Variants in LGSN observed in about 807,000 individuals in gnomAD.
LGSN encodes lengsin.
Under a neutral mutation model 19.5 loss-of-function variants are expected in LGSN, and 21 were observed. That is an observed-to-expected ratio of 1.07 (90% CI 0.76 to 1.55). The LOEUF (loss-of-function observed/expected upper bound fraction) is 1.55, where lower values mean the gene tolerates loss of function less well. Among genes scored for constraint, LGSN ranks in the 40% most tolerant of loss-of-function variants. The pLI is 0.00. For missense variants in LGSN, 673 were observed against 608.5 expected (o/e 1.11, Z -1.12); for synonymous variants, 257 against 215.6 (o/e 1.19, Z -1.68).
At chr6:63,524,881 T>C in the LGSN span, among the ~76,000 whole-genome samples, 41 of 152,350 alleles carry the variant, frequency 2.7e-4, no homozygotes, top group African/African-American at 9.9e-4. Flanking sequence ...ATGGACAAAT[T>C]TTTAAATTGC....
At chr6:63,399,911 G>A in the LGSN span, among the ~76,000 whole-genome samples, 3 of 151,998 alleles carry the variant, frequency 2.0e-5, no homozygotes, top group Non-Finnish European at 4.4e-5. Flanking sequence ...ATGTTGCCCA[G>A]ACTGATTGGT....
At chr6:63,421,046 T>TA in the LGSN span, among the ~76,000 whole-genome samples, 72,191 of 151,664 alleles carry the variant, frequency 0.48, 18,423 homozygotes, top group Non-Finnish European at 0.54. Context: ...GTGAGTCAGG[T>TA]AAAAAAAATG....
At chr6:63,458,998 C>T in the LGSN span, among the ~76,000 whole-genome samples, 86 of 152,216 alleles carry the variant, frequency 5.6e-4, no homozygotes, top group East Asian at 0.014. Flanking sequence ...AATACCATGT[C>T]GAGAATTATT....
chr6:63,327,299 C>A, the LGSN span, among the ~76,000 whole-genome samples: 1 of 152,166 alleles, frequency 6.6e-6, no homozygotes, highest in East Asian at 1.9e-4. Flanking sequence ...AAAATACAGG[C>A]CCCAAAGGTA....
the LGSN span, among the ~76,000 whole-genome samples, chr6:63,526,466 A>T: frequency 1.3e-5 from 2 of 151,798 alleles, no homozygotes; most frequent in Admixed American, 1.3e-4. Flanking sequence ...TTCAACAGAG[A>T]GGAAGACCAC....
At chr6:63,526,803 G>GTGTATATATA in the LGSN span, among the ~76,000 whole-genome samples, 1 of 101,448 alleles carries the variant, frequency 9.9e-6, no homozygotes, top group African/African-American at 4.4e-5. Flanking sequence ...TCTCAAAAAT[G>GTGTATATATA]TATATATATA....
At chr6:63,326,807 G>A in the LGSN span, among the ~76,000 whole-genome samples, 19 of 152,072 alleles carry the variant, frequency 1.2e-4, no homozygotes, top group South Asian at 2.1e-4. Flanking sequence ...AGTGCCGTGC[G>A]CAGCCCCAGT....
At chr6:63,366,619 C>T in the LGSN span, among the ~76,000 whole-genome samples, 5 of 152,088 alleles carry the variant, frequency 3.3e-5, no homozygotes, top group African/African-American at 1.2e-4. Context: ...CAAAAAAGAG[C>T]CCGCATTGCC....
At chr6:63,399,226 A>G in the LGSN span, among the ~76,000 whole-genome samples, 1 of 152,132 alleles carries the variant, frequency 6.6e-6, no homozygotes, top group Non-Finnish European at 1.5e-5. Flanking sequence ...TGTGCTATAC[A>G]GGTTTGTAGC....
chr6:63,356,151 A>C, the LGSN span, among the ~76,000 whole-genome samples: 19,847 of 152,196 alleles, frequency 0.13, 2,862 homozygotes, highest in African/African-American at 0.36. Context: ...ACTGTATTTA[A>C]AAATAAGATC....
At chr6:63,537,872 T>C in the LGSN span, among the ~76,000 whole-genome samples, 1 of 152,020 alleles carries the variant, frequency 6.6e-6, no homozygotes, top group Non-Finnish European at 1.5e-5. Context: ...ACGGCCGTAG[T>C]GAGAGAGAAG....
the LGSN span, among the ~76,000 whole-genome samples, chr6:63,463,853 G>A: frequency 6.6e-6 from 1 of 152,128 alleles, no homozygotes; most frequent in Non-Finnish European, 1.5e-5. Context: ...GAACAAACCT[G>A]ATGTATCAAT....
chr6:63,392,072 G>C, the LGSN span: 21 of 152,280 alleles, frequency 1.4e-4, no homozygotes, highest in African/African-American at 5.1e-4. Context: ...GGTCAACAAT[G>C]GACCACATAT....
chr6:63,381,781 A>T, the LGSN span, among the ~76,000 whole-genome samples: 1 of 152,236 alleles, frequency 6.6e-6, no homozygotes, highest in African/African-American at 2.4e-5. Context: ...AGCTCCAGAC[A>T]CAGCAAGCAA....
chr6:63,342,789 T>C, the LGSN span, among the ~76,000 whole-genome samples: 1 of 152,244 alleles, frequency 6.6e-6, no homozygotes, highest in Non-Finnish European at 1.5e-5. Context: ...AACTCAGATA[T>C]AACACAAGGC....
At chr6:63,434,963 C>T in the LGSN span, among the ~76,000 whole-genome samples, 1 of 152,154 alleles carries the variant, frequency 6.6e-6, no homozygotes, top group Non-Finnish European at 1.5e-5. Flanking sequence ...AAACTTTTCT[C>T]CTTAAAAAAG....
chr6:63,488,342 A>C, the LGSN span, among the ~76,000 whole-genome samples: 35 of 152,332 alleles, frequency 2.3e-4, no homozygotes, highest in African/African-American at 8.4e-4. Context: ...AGAAAAGAGA[A>C]GGTCAGGCTG....
the LGSN span, among the ~76,000 whole-genome samples, chr6:63,570,841 T>C: frequency 2.4e-3 from 360 of 152,338 alleles, 1 homozygote; most frequent in African/African-American, 8.2e-3. Context: ...CAGTGTGAAA[T>C]TGACATTTGT....
At chr6:63,391,435 A>T in the LGSN span, among the ~76,000 whole-genome samples, 2 of 152,328 alleles carry the variant, frequency 1.3e-5, no homozygotes, top group African/African-American at 4.8e-5. Flanking sequence ...ATGCATCTGT[A>T]AACTTCTGTT....
Sources: gnomAD v4.1 joint callset for allele counts (sites outside exome capture counted in the v4.1 genomes callset) on GRCh38, gnomAD v4.1.1 for gene constraint, MANE v1.5 for transcripts, NCBI Gene and HGNC (gene_info 2026-07-23, HGNC 2026-07-21) for gene names.